Variants in NBAS observed in about 807,000 individuals in gnomAD.
The protein encoded by NBAS is NBAS subunit of NRZ tethering complex, also known as NAG/BC035112 fusion.
Under a neutral mutation model 302.5 loss-of-function variants are expected in NBAS, and 219 were observed. That is an observed-to-expected ratio of 0.72 (90% CI 0.65 to 0.81). NBAS has a LOEUF of 0.81. Among genes scored for constraint, NBAS ranks in the 30% least tolerant of loss-of-function variants. NBAS has a pLI of 0.00. For missense variants in NBAS, 2,932 were observed against 2,841.6 expected (o/e 1.03, Z -0.72); for synonymous variants, 1,118 against 1,021.6 (o/e 1.09, Z -1.80).
At chr2:14,968,996 G>A in the NBAS span, among the ~76,000 whole-genome samples, 1 of 152,058 alleles carries the variant, frequency 6.6e-6, no homozygotes, top group Non-Finnish European at 1.5e-5. Flanking sequence ...TTCACACAAT[G>A]GTATATTATG....
the NBAS span, among the ~76,000 whole-genome samples, chr2:14,968,908 G>A: frequency 7.2e-5 from 11 of 152,164 alleles, no homozygotes; most frequent in Admixed American, 2.0e-4. Context: ...ATTCATAGCA[G>A]TATATTTACA....
intron 51 of NBAS, among the ~76,000 whole-genome samples, chr2:15,177,271 G>A (rs1373835264): frequency 6.6e-6 from 1 of 152,186 alleles, no homozygotes; most frequent in Non-Finnish European, 1.5e-5. Flanking sequence ...AAGTGTTACG[G>A]AAGTAAATCA....
At chr2:14,995,510 C>A in the NBAS span, among the ~76,000 whole-genome samples, 273 of 152,316 alleles carry the variant, frequency 1.8e-3, no homozygotes, top group African/African-American at 6.4e-3. Context: ...GGAACACTCA[C>A]CTTTGTGACT....
intron 35 of NBAS, among the ~76,000 whole-genome samples, chr2:15,346,178 CT>C (rs1197855906): frequency 6.6e-6 from 1 of 152,096 alleles, no homozygotes; most frequent in Non-Finnish European, 1.5e-5. Flanking sequence ...AACTAAAGAG[CT>C]TCTGCACAGC....
the NBAS span, among the ~76,000 whole-genome samples, chr2:14,859,742 A>G: frequency 6.6e-6 from 1 of 152,292 alleles, no homozygotes; most frequent in Admixed American, 6.5e-5. Flanking sequence ...CTGGAAGAAA[A>G]CATTGGGAAA....
chr2:15,127,909 C>G, the NBAS span, among the ~76,000 whole-genome samples: 1 of 152,092 alleles, frequency 6.6e-6, no homozygotes, highest in South Asian at 2.1e-4. Context: ...TAGGGCGACT[C>G]GATGAGGTAT....
At chr2:15,455,192 C>T (rs6716881) in intron 21 of NBAS, among the ~76,000 whole-genome samples, 93,831 of 151,972 alleles carry the variant, frequency 0.62, 29,872 homozygotes, top group Non-Finnish European at 0.68. Context: ...CGTGAGCCAC[C>T]GCACCCGGCC....
the NBAS span, among the ~76,000 whole-genome samples, chr2:14,796,919 CAAA>C: frequency 0.048 from 4,176 of 86,458 alleles, 253 homozygotes; most frequent in African/African-American, 0.16. Context: ...CTAAAAAATA[CAAA>C]AAAAAAAAAA....
chr2:15,431,014 T>A (rs1051519454), intron 21 of NBAS, among the ~76,000 whole-genome samples: 17 of 151,352 alleles, frequency 1.1e-4, no homozygotes, highest in Non-Finnish European at 1.9e-4. Context: ...ACCATATCAA[T>A]CAGGCTGGTC....
At chr2:14,877,036 C>T in the NBAS span, among the ~76,000 whole-genome samples, 8 of 152,242 alleles carry the variant, frequency 5.3e-5, no homozygotes, top group African/African-American at 7.2e-5. Flanking sequence ...CAGCACAATC[C>T]TCACCACGTT....
intron 33 of NBAS, among the ~76,000 whole-genome samples, chr2:15,355,646 G>A (rs1673578287): frequency 6.6e-6 from 1 of 152,090 alleles, no homozygotes; most frequent in Non-Finnish European, 1.5e-5. Context: ...TCCACTTGGT[G>A]CTGTCGTTGT....
the NBAS span, among the ~76,000 whole-genome samples, chr2:14,840,647 A>C: frequency 6.6e-6 from 1 of 152,180 alleles, no homozygotes; most frequent in African/African-American, 2.4e-5. Context: ...CAAAAGAAAA[A>C]AAAATTGTCA....
chr2:14,896,405 T>A, the NBAS span, among the ~76,000 whole-genome samples: 7 of 152,212 alleles, frequency 4.6e-5, no homozygotes, highest in Non-Finnish European at 8.8e-5. Flanking sequence ...TTTTATTCTG[T>A]TTCTCACAGC....
intron 44 of NBAS, among the ~76,000 whole-genome samples, chr2:15,270,711 A>G (rs1669279844): frequency 6.6e-6 from 1 of 152,192 alleles, no homozygotes; most frequent in South Asian, 2.1e-4. Flanking sequence ...TTCATTGGCA[A>G]TGTACTTCTC....
intron 21 of NBAS, among the ~76,000 whole-genome samples, chr2:15,454,802 T>C (rs2380652): frequency 0.62 from 93,761 of 151,788 alleles, 29,747 homozygotes; most frequent in Non-Finnish European, 0.68. Flanking sequence ...CTTCTGATAC[T>C]CACCTTCCAT....
intron 44 of NBAS, among the ~76,000 whole-genome samples, chr2:15,247,883 T>A (rs993694746): frequency 6.6e-5 from 10 of 151,862 alleles, no homozygotes; most frequent in African/African-American, 2.4e-4. Context: ...CCACTGTCAA[T>A]ATTAGATCAA....
the NBAS span, among the ~76,000 whole-genome samples, chr2:15,032,854 CT>C: frequency 0.056 from 8,561 of 152,212 alleles, 690 homozygotes; most frequent in African/African-American, 0.17. Context: ...AGCTATTTGG[CT>C]GAAAACATGC....
the NBAS span, among the ~76,000 whole-genome samples, chr2:15,022,109 G>C: frequency 6.6e-6 from 1 of 152,180 alleles, no homozygotes; most frequent in African/African-American, 2.4e-5. Flanking sequence ...GGTGTCAACA[G>C]CTAAGAGTCT....
At chr2:15,244,839 C>T (rs1345383941) in intron 44 of NBAS, among the ~76,000 whole-genome samples, 1 of 152,172 alleles carries the variant, frequency 6.6e-6, no homozygotes, top group Non-Finnish European at 1.5e-5. Context: ...TTCTACCACA[C>T]ATCTTATCCG....
Sources: gnomAD v4.1 joint callset for allele counts (sites outside exome capture counted in the v4.1 genomes callset) on GRCh38, gnomAD v4.1.1 for gene constraint, MANE v1.5 for transcripts, NCBI Gene and HGNC (gene_info 2026-07-23, HGNC 2026-07-21) for gene names.